ITGA8: variants seen among roughly 807,000 people sequenced by gnomAD.
The protein encoded by ITGA8 is integrin subunit alpha 8.
In ITGA8, 91 loss-of-function variants were observed where a neutral mutation model predicts 142.3. The observed-to-expected ratio is 0.64, with a 90% CI of 0.54 to 0.76. ITGA8 has a LOEUF of 0.76. ITGA8 is among the 30% of genes least tolerant of loss of function. The pLI, the probability that ITGA8 is intolerant of heterozygous loss-of-function variation, is 0.00. For missense variants in ITGA8, 1,406 were observed against 1,327.7 expected (o/e 1.06, Z -0.92); for synonymous variants, 505 against 485.2 (o/e 1.04, Z -0.54).
intron 25 of ITGA8, among the ~76,000 whole-genome samples, chr10:15,560,786 A>T (rs1180694264): frequency 6.6e-6 from 1 of 152,178 alleles, no homozygotes; most frequent in African/African-American, 2.4e-5. Flanking sequence ...AAATAGAAAT[A>T]ATCTGGAAGG....
intron 28 of ITGA8, among the ~76,000 whole-genome samples, chr10:15,526,439 G>A (rs1307841698): frequency 6.6e-6 from 1 of 152,080 alleles, no homozygotes; most frequent in Admixed American, 6.6e-5. Context: ...GCCTCCCAAA[G>A]TGCTGGGATT....
In ITGA8 at chr10:15,633,962, C is replaced by T. The variant is rs531619683; in HGVS notation, c.1399+10068G>A. 5.9e-5 allele frequency among the ~76,000 whole-genome samples: 9 copies of T among 152,258 alleles called. No individual in the cohort carries two copies. In the South Asian group the frequency reaches 1.9e-3, roughly 32 times the overall value. On this transcript the variant is annotated intron_variant, in intron 13 of 29. Transcript: ENST00000378076. ...TCCTTCTGTTCCCTGATTCAATGCT[C>T]CCTGTTCTGCGAAGTCTTGCTTTTT...
chr10:15,582,238 C>CA (rs938112820), intron 23 of ITGA8, among the ~76,000 whole-genome samples: 2 of 151,404 alleles, frequency 1.3e-5, no homozygotes, highest in African/African-American at 4.9e-5. Flanking sequence ...GACCCTGTCT[C>CA]AAAAAAAAGA....
Position 15,517,021 on chromosome 10 carries a change from G to T in ITGA8, c.*137C>A. Reference sequence around the variant, plus strand: ...TTCTCCAAAGTGCGGTGTAGATGAGGTGATGTTTCCAGGGTCCCCTCCATT... The same window carrying T: ...TTCTCCAAAGTGCGGTGTAGATGAGTTGATGTTTCCAGGGTCCCCTCCATT... On this transcript the variant is annotated 3_prime_UTR_variant, in exon 30 of 30. Coordinates refer to ENST00000378076, the MANE Select transcript of ITGA8 (RefSeq NM_003638.3). 1 of 571,282 alleles carries T rather than the reference G, an allele frequency of 1.8e-6. No individual in the cohort carries two copies. The highest frequency in any genetic ancestry group is 3.0e-6 in the Non-Finnish European group (1 of 334,242). The allele number at this position is 571,282 out of a possible 1,614,324, so 35.4% of individuals were successfully genotyped here. A position where few individuals can be genotyped will look rare whatever the true frequency, so the allele number is the denominator to read the frequency against.
chr10:15,609,541 G>C (rs150689948), intron 15 of ITGA8, among the ~76,000 whole-genome samples: 1 of 152,170 alleles, frequency 6.6e-6, no homozygotes, highest in African/African-American at 2.4e-5. Context: ...AAAGTTTCCT[G>C]AAATGTCTAC....
At chr10:15,631,140 T>C (rs920252630) in intron 13 of ITGA8, among the ~76,000 whole-genome samples, 3 of 151,952 alleles carry the variant, frequency 2.0e-5, no homozygotes, top group Non-Finnish European at 2.9e-5. Flanking sequence ...AGTTCAACCA[T>C]TGTGGAAGAC....
intron 27 of ITGA8, among the ~76,000 whole-genome samples, chr10:15,546,797 T>G (rs1381243201): frequency 2.7e-5 from 2 of 72,946 alleles, no homozygotes; most frequent in African/African-American, 1.5e-4. Flanking sequence ...AATGAAAAAA[T>G]AAAGAAAGGA....
chr10:15,566,013 C>G lies in ITGA8; in HGVS notation c.2637+6198G>C, dbSNP rs548094744. 2.6e-5 allele frequency among the ~76,000 whole-genome samples: 4 copies of G among 152,180 alleles called. No individual in the cohort carries two copies. In the South Asian group the frequency reaches 6.2e-4, roughly 24 times the overall value. ...CGCCTGCATTCTGAATTAAGGAAAA[C>G]CAGTACACGAAGGCAGTTAGGAAGA... On this transcript the variant is annotated intron_variant, in intron 25 of 29. Transcript: ENST00000378076.
intron 6 of ITGA8, among the ~76,000 whole-genome samples, chr10:15,673,906 C>T (rs370688738): frequency 2.6e-5 from 4 of 152,270 alleles, no homozygotes; most frequent in East Asian, 1.9e-4. Flanking sequence ...CAGCAATTTC[C>T]GCTGCAATTT....
At chr10:15,669,469 C>G (rs1373975933) in intron 8 of ITGA8, among the ~76,000 whole-genome samples, 1 of 152,122 alleles carries the variant, frequency 6.6e-6, no homozygotes, top group Non-Finnish European at 1.5e-5. Flanking sequence ...TTCGAATTTC[C>G]TCCTGTAGCT....
At chr10:15,560,452 C>A (rs939450141) in intron 25 of ITGA8, among the ~76,000 whole-genome samples, 2 of 152,090 alleles carry the variant, frequency 1.3e-5, no homozygotes, top group African/African-American at 4.8e-5. Context: ...ATAGTAAATT[C>A]CCTACGGCTG....
At chr10:15,533,083 T>G (rs1236320995) in intron 27 of ITGA8, among the ~76,000 whole-genome samples, 1 of 152,220 alleles carries the variant, frequency 6.6e-6, no homozygotes, top group Non-Finnish European at 1.5e-5. Flanking sequence ...AATCTACCAG[T>G]ACATCACTGT....
At chr10:15,695,547 A>C (rs1398576367) in intron 2 of ITGA8, among the ~76,000 whole-genome samples, 19 of 152,344 alleles carry the variant, frequency 1.2e-4, no homozygotes, top group African/African-American at 4.3e-4. Flanking sequence ...TGCTCAATGA[A>C]ACTATGATGC....
At position 15,575,582 on chromosome 10, in the gene ITGA8, A is replaced by T. The variant is rs577732337; in HGVS notation, c.2385T>A (p.Pro795=). Residue 795 remains proline (P), a synonymous_variant, in exon 24 of 30, where the codon CCT becomes CCA. Transcript: ENST00000378076. ...TATGAATGGGCAGAACAATCTGCGG[A>T]GGGTGTGACACTCTGAAACATGAAA... ...AQVEIRGVSH[P]PQIVLPIHNW... 3.7e-6 allele frequency: 6 copies of T among 1,613,552 alleles called. No homozygotes were observed. In the South Asian group the frequency reaches 6.6e-5, roughly 18 times the overall value.
At chr10:15,548,252 C>CA (rs1187494189) in intron 27 of ITGA8, among the ~76,000 whole-genome samples, 3 of 152,054 alleles carry the variant, frequency 2.0e-5, no homozygotes, top group African/African-American at 7.2e-5. Flanking sequence ...CCACCAAGAC[C>CA]AGCTAATTTT....
At chr10:15,601,185 G>A (rs916634332) in intron 20 of ITGA8, among the ~76,000 whole-genome samples, 2 of 152,052 alleles carry the variant, frequency 1.3e-5, no homozygotes, top group Non-Finnish European at 2.9e-5. Context: ...GTTGTAGTGA[G>A]CCAAGATCAT....
chr10:15,692,111 T>C (rs1453804970), intron 2 of ITGA8, among the ~76,000 whole-genome samples: 2 of 152,082 alleles, frequency 1.3e-5, no homozygotes, highest in Admixed American at 6.5e-5. Flanking sequence ...CTTTTTTTTC[T>C]TGGTAGAGGC....
chr10:15,538,967 T>G (rs897720933), intron 27 of ITGA8, among the ~76,000 whole-genome samples: 5 of 148,064 alleles, frequency 3.4e-5, no homozygotes, highest in Non-Finnish European at 7.4e-5. Flanking sequence ...TTTTTTTTTT[T>G]TTTTTTTTTT....
chr10:15,652,451 T>TC (rs1204406450), intron 11 of ITGA8, among the ~76,000 whole-genome samples: 2 of 151,198 alleles, frequency 1.3e-5, no homozygotes, highest in East Asian at 3.9e-4. Flanking sequence ...AGTGGGATTT[T>TC]TTTTTTTTTT....
Sources: allele counts gnomAD v4.1 joint callset (sites outside exome capture counted in the v4.1 genomes callset), GRCh38; gene constraint gnomAD v4.1.1; transcripts MANE v1.5; gene names NCBI Gene and HGNC (gene_info 2026-07-23, HGNC 2026-07-21).